The following QTMAN variants were observed in gnomAD, a reference collection of about 807,000 sequenced individuals.
The protein encoded by QTMAN is tRNA-queuosine alpha-mannosyltransferase.
chr2:144,270,586 T>G, the QTMAN span, among the ~76,000 whole-genome samples: 1 of 136,896 alleles, frequency 7.3e-6, no homozygotes, highest in Non-Finnish European at 1.5e-5. Flanking sequence ...TTCTCACTCA[T>G]AAGTGGAAGT....
chr2:144,107,240 A>C, the QTMAN span, among the ~76,000 whole-genome samples: 1 of 152,238 alleles, frequency 6.6e-6, no homozygotes, highest in African/African-American at 2.4e-5. Flanking sequence ...GGCAGAAGGC[A>C]AGAAATAACT....
the QTMAN span, chr2:143,947,196 A>T: frequency 8.2e-7 from 1 of 1,220,918 alleles, no homozygotes; most frequent in Non-Finnish European, 1.2e-6. Flanking sequence ...CTAAAAGATG[A>T]AAGTATGCTG....
At chr2:144,215,696 A>T in the QTMAN span, among the ~76,000 whole-genome samples, 1 of 152,176 alleles carries the variant, frequency 6.6e-6, no homozygotes, top group Non-Finnish European at 1.5e-5. Context: ...GAATACTACA[A>T]ATATTTTTAA....
the QTMAN span, among the ~76,000 whole-genome samples, chr2:144,285,245 C>G: frequency 6.6e-6 from 1 of 152,096 alleles, no homozygotes; most frequent in Non-Finnish European, 1.5e-5. Flanking sequence ...TCACATGCAC[C>G]TATATTTGGT....
At chr2:144,301,022 C>T in the QTMAN span, among the ~76,000 whole-genome samples, 4 of 151,852 alleles carry the variant, frequency 2.6e-5, no homozygotes, top group African/African-American at 9.7e-5. Flanking sequence ...AAGGCTAGTA[C>T]ATTGAAAAAA....
the QTMAN span, among the ~76,000 whole-genome samples, chr2:143,966,542 G>A: frequency 6.6e-6 from 1 of 152,194 alleles, no homozygotes; most frequent in Admixed American, 6.5e-5. Flanking sequence ...CTAGGGCTGA[G>A]GAAAACGGAC....
the QTMAN span, among the ~76,000 whole-genome samples, chr2:144,015,289 ACTC>A: frequency 3.3e-5 from 5 of 152,184 alleles, no homozygotes; most frequent in African/African-American, 1.2e-4. Flanking sequence ...CACAAGGTTT[ACTC>A]TAGTAATTCA....
At chr2:144,230,111 T>C in the QTMAN span, 3 of 152,192 alleles carry the variant, frequency 2.0e-5, no homozygotes, top group South Asian at 4.1e-4. Context: ...AATATATATC[T>C]GGGGTCCCTA....
the QTMAN span, among the ~76,000 whole-genome samples, chr2:144,282,058 T>G: frequency 3.3e-5 from 5 of 152,044 alleles, no homozygotes; most frequent in East Asian, 9.6e-4. Flanking sequence ...AGGTCAGGAG[T>G]GAGGTCTAGA....
chr2:144,330,362 T>C, the QTMAN span, among the ~76,000 whole-genome samples: 1 of 152,188 alleles, frequency 6.6e-6, no homozygotes, highest in Non-Finnish European at 1.5e-5. Context: ...TGTAGGTTTG[T>C]GTGAGTACAT....
chr2:144,011,316 A>G, the QTMAN span, among the ~76,000 whole-genome samples: 1 of 152,102 alleles, frequency 6.6e-6, no homozygotes, highest in Non-Finnish European at 1.5e-5. Context: ...ATAATACTAA[A>G]AACAAAACAA....
the QTMAN span, chr2:143,938,948 A>G: frequency 6.6e-6 from 1 of 152,240 alleles, no homozygotes; most frequent in Non-Finnish European, 1.5e-5. Flanking sequence ...TTTCTGCCCT[A>G]GTCTCTTCAA....
At chr2:144,001,821 A>C in the QTMAN span, among the ~76,000 whole-genome samples, 1 of 131,730 alleles carries the variant, frequency 7.6e-6, no homozygotes, top group Non-Finnish European at 1.6e-5. Flanking sequence ...GTTTTAAGCC[A>C]AAAAAAAAAA....
At chr2:144,304,888 CTATGCA>C in the QTMAN span, among the ~76,000 whole-genome samples, 1 of 152,172 alleles carries the variant, frequency 6.6e-6, no homozygotes, top group Non-Finnish European at 1.5e-5. Flanking sequence ...CTGAGAGCAT[CTATGCA>C]TATGCCTACT....
At chr2:144,058,133 A>AAC in the QTMAN span, among the ~76,000 whole-genome samples, 15,515 of 97,024 alleles carry the variant, frequency 0.16, 1,433 homozygotes, top group East Asian at 0.34. Flanking sequence ...CACCCCGCTA[A>AAC]ACACACACAC....
the QTMAN span, among the ~76,000 whole-genome samples, chr2:144,013,553 A>T: frequency 6.6e-6 from 1 of 152,222 alleles, no homozygotes; most frequent in Admixed American, 6.5e-5. Context: ...AGGACGTCTA[A>T]AAGAAAGCAG....
the QTMAN span, among the ~76,000 whole-genome samples, chr2:144,267,687 T>C: frequency 4.6e-5 from 7 of 152,148 alleles, no homozygotes; most frequent in South Asian, 2.1e-4. Flanking sequence ...ACAGGAGAAA[T>C]AGGACTTAGG....
At chr2:144,285,176 T>C in the QTMAN span, among the ~76,000 whole-genome samples, 2 of 152,156 alleles carry the variant, frequency 1.3e-5, no homozygotes, top group African/African-American at 4.8e-5. Context: ...CCTTTCAAAA[T>C]GGAAACATAT....
the QTMAN span, among the ~76,000 whole-genome samples, chr2:144,206,872 G>A: frequency 3.4e-4 from 52 of 152,232 alleles, no homozygotes; most frequent in South Asian, 1.5e-3. Flanking sequence ...TATAGAAATG[G>A]CTCATTTTAA....
Sources: allele counts gnomAD v4.1 joint callset (sites outside exome capture counted in the v4.1 genomes callset), GRCh38; gene constraint gnomAD v4.1.1; transcripts MANE v1.5; gene names NCBI Gene and HGNC (gene_info 2026-07-23, HGNC 2026-07-21).